The following ADGRF5 variants were observed in gnomAD, a reference collection of about 807,000 sequenced individuals.
ADGRF5 encodes the protein G-protein coupled receptor 116.
ADGRF5 carries 75 observed loss-of-function variants against 132.3 expected under a neutral mutation model. The observed-to-expected ratio is 0.57, with a 90% confidence interval of 0.47 to 0.69. The LOEUF (loss-of-function observed/expected upper bound fraction) is 0.69, where lower values mean the gene tolerates loss of function less well. ADGRF5 is among the 30% of genes least tolerant of loss of function. The pLI is 0.00. For missense variants in ADGRF5, 1,516 were observed against 1,630.6 expected, an observed-to-expected ratio of 0.93 and a Z score of 1.21; for synonymous variants, 629 against 597.6, an observed-to-expected ratio of 1.05 and a Z score of -0.77.
At chr6:46,909,870 T>G (rs1193979232) in intron 1 of ADGRF5, among the ~76,000 whole-genome samples, 1 of 151,812 alleles carries the variant, frequency 6.6e-6, no homozygotes, top group East Asian at 1.9e-4. Flanking sequence ...TGCACTGGCA[T>G]GCACCCATAA....
intron 1 of ADGRF5, among the ~76,000 whole-genome samples, chr6:46,917,537 G>A (rs772052760): frequency 4.6e-5 from 7 of 152,164 alleles, no homozygotes; most frequent in Non-Finnish European, 8.8e-5. Context: ...TTTATTTGAG[G>A]CATAGGATTA....
intron 1 of ADGRF5, among the ~76,000 whole-genome samples, chr6:46,936,300 C>T (rs969571939): frequency 1.3e-5 from 2 of 152,176 alleles, no homozygotes; most frequent in Non-Finnish European, 2.9e-5. Flanking sequence ...CCTGTAGATT[C>T]TAGAGCATTA....
At chr6:46,881,057 A>G (rs1398226102) in intron 8 of ADGRF5, among the ~76,000 whole-genome samples, 1 of 152,178 alleles carries the variant, frequency 6.6e-6, no homozygotes, top group Non-Finnish European at 1.5e-5. Context: ...CCATGATTAC[A>G]CTATTGCACT....
Position 46,858,465 on chromosome 6 carries a change from C to A in ADGRF5, c.3438G>T (p.Thr1146=), listed in dbSNP as rs763247474. The change falls in exon 17 of 21, where the codon ACG becomes ACT. Residue 1146 remains threonine (T), a synonymous_variant. Transcript: ENST00000283296. The part of the protein sequence containing the change: ...YGCPLAISVI[T]LGATQPREVY... ...CTTCCCGGGGCTGGGTGGCTCCCAG[C>A]GTGATGACCGAGATGGCAAGTGGGC... 10 of 1,613,738 alleles carry A rather than the reference C, an allele frequency of 6.2e-6. No individual in the cohort carries two copies. The highest frequency in any genetic ancestry group is 5.0e-5 in the Admixed American group (3 of 59,984).
chr6:46,862,843 T>A, intron 15 of ADGRF5, 45 bp downstream of exon 15: 3 of 1,269,650 alleles, frequency 2.4e-6, no homozygotes, highest in Non-Finnish European at 3.4e-6. Flanking sequence ...ATCAGCCAGA[T>A]AGATCGCCCC....
chr6:46,906,953 C>T (rs972225441), intron 1 of ADGRF5, among the ~76,000 whole-genome samples, 167 bp from the exon 2 acceptor site: 1 of 152,148 alleles, frequency 6.6e-6, no homozygotes, highest in African/African-American at 2.4e-5. Context: ...TCTGCCCAGA[C>T]CTTTGGGTGA....
At chr6:46,863,574 G>A (rs1308886390) in intron 14 of ADGRF5, among the ~76,000 whole-genome samples, 1 of 152,170 alleles carries the variant, frequency 6.6e-6, no homozygotes, top group African/African-American at 2.4e-5. Context: ...TAATCAATAT[G>A]TTTAAGCATT....
At chr6:46,882,312 G>A (rs1772564588) in intron 6 of ADGRF5, among the ~76,000 whole-genome samples, 1 of 152,088 alleles carries the variant, frequency 6.6e-6, no homozygotes, top group Non-Finnish European at 1.5e-5. Context: ...TAGACTAGAT[G>A]AAATGTGCAA....
intron 1 of ADGRF5, among the ~76,000 whole-genome samples, chr6:46,920,692 A>T (rs535305742): frequency 6.6e-6 from 1 of 151,920 alleles, no homozygotes; most frequent in Non-Finnish European, 1.5e-5. Context: ...GTGAAACCCC[A>T]TCTCTACTAA....
chr6:46,881,823 C>G (rs1039673344), intron 7 of ADGRF5, among the ~76,000 whole-genome samples: 1 of 152,138 alleles, frequency 6.6e-6, no homozygotes, highest in Non-Finnish European at 1.5e-5. Flanking sequence ...TATCCCTTAT[C>G]TTTGCTTGCA....
At position 46,858,795 on chromosome 6, in the gene ADGRF5, C is replaced by T; in HGVS notation, c.3108G>A (p.Val1036=). ...SLAACLVVEA[V]VWKSVTKNRT... is the part of the protein sequence containing the mutation. ...GGTTCTTGGTCACCGATTTCCACAC[C>T]ACAGCTTCCACAACTAGACAGGCTG... Residue 1036 remains valine (V), a synonymous_variant, in exon 17 of 21, where the codon GTG becomes GTA. Coordinates refer to ENST00000283296, the MANE Select transcript of ADGRF5 (RefSeq NM_001098518.2). The T allele has an allele frequency of 6.2e-7, 1 of 1,614,050 alleles. No homozygotes were observed. The highest frequency in any genetic ancestry group is 8.5e-7 in the Non-Finnish European group (1 of 1,179,980).
At chr6:46,945,419 T>C (rs1778265280) in intron 1 of ADGRF5, among the ~76,000 whole-genome samples, 1 of 152,182 alleles carries the variant, frequency 6.6e-6, no homozygotes. Context: ...AAGTGACACT[T>C]TTGCGTTCCT....
Position 46,906,736 on chromosome 6 carries a change from C to A in ADGRF5, c.27G>T (p.Leu9Phe), listed in dbSNP as rs1441991462. 1.2e-6 allele frequency: 2 copies of A among 1,604,904 alleles called. No individual in the cohort carries two copies. Among genetic ancestry groups the A allele is most frequent in the South Asian group, 1.1e-5 (1 of 90,850 alleles). ...AATAAATCACAATAAACATGAGGCA[C>A]AAAGTGGTTCTCCTTGGGGATTTCA... MKSPRRTT[L>F]CLMFIVIYSS... The change falls in exon 2 of 21, where the codon TTG becomes TTT. Residue 9 changes from leucine to phenylalanine, a missense_variant. Leu to Phe is a conservative substitution (Grantham distance 22). Coordinates refer to ENST00000283296, the MANE Select transcript of ADGRF5 (RefSeq NM_001098518.2).
At position 46,862,703 on chromosome 6, in the gene ADGRF5, C is replaced by CTTTTTTTTTTTTTTTTTT. The variant is rs67565937; in HGVS notation, c.2199+167_2199+184dup. ...AGTTGTCTTAGTATTTGAATTGAGG[C>CTTTTTTTTTTTTTTTTTT]TTTTTTTTTTTTTTTTTTTTTTTTT... On this transcript the variant is annotated intron_variant, in intron 15 of 20. Transcript: ENST00000283296. Among the ~76,000 whole-genome samples, 89 of 26,508 alleles carry CTTTTTTTTTTTTTTTTTT rather than the reference C, an allele frequency of 3.4e-3. 18 individuals carry two copies. The highest frequency in any genetic ancestry group is 6.1e-3 in the Admixed American group (7 of 1,156). 17.4% of individuals were successfully genotyped at this position (26,508 alleles called of 152,430 possible).
intron 12 of ADGRF5, among the ~76,000 whole-genome samples, chr6:46,868,021 C>A (rs1025648930): frequency 4.6e-5 from 7 of 152,204 alleles, no homozygotes; most frequent in Admixed American, 4.6e-4. Flanking sequence ...TGACTGTATA[C>A]TACCAAGTCC....
At chr6:46,936,745 C>T (rs1040679633) in intron 1 of ADGRF5, among the ~76,000 whole-genome samples, 8 of 152,250 alleles carry the variant, frequency 5.3e-5, no homozygotes, top group African/African-American at 1.7e-4. Context: ...GGAGGCTAGC[C>T]CCGCACTCTA....
intron 1 of ADGRF5, among the ~76,000 whole-genome samples, chr6:46,940,835 A>T (rs916424981): frequency 1.3e-5 from 2 of 152,226 alleles, no homozygotes; most frequent in Admixed American, 1.3e-4. Context: ...AAATTACAGA[A>T]ATAACTAAAA....
chr6:46,858,766 G>C lies in ADGRF5; in HGVS notation c.3137C>G (p.Thr1046Ser), dbSNP rs746080715. The C allele has an allele frequency of 6.2e-7, 1 of 1,613,552 alleles. No homozygotes were observed. Among genetic ancestry groups the C allele is most frequent in the Non-Finnish European group, 8.5e-7 (1 of 1,179,878 alleles). Reference sequence around the variant, plus strand: ...TATGCAGGTGTGGCGCATATAAGAAGTCCGGTTCTTGGTCACCGATTTCCA... The same window carrying C: ...TATGCAGGTGTGGCGCATATAAGAACTCCGGTTCTTGGTCACCGATTTCCA... ...VVWKSVTKNRTSYMRHTCIVN... is the reference protein window; with the variant it reads ...VVWKSVTKNRSSYMRHTCIVN... Residue 1046 changes from threonine to serine, a missense_variant, in exon 17 of 21, where the codon ACT becomes AGT. This residue lies in a region of ADGRF5 where 571 missense variants were observed against 701.2 expected (regional missense o/e 0.81). Coordinates refer to ENST00000283296, the MANE Select transcript of ADGRF5 (RefSeq NM_001098518.2).
Position 46,921,062 on chromosome 6 carries a change from G to T in ADGRF5, c.-25+651C>A, listed in dbSNP as rs186951027. 4.6e-5 allele frequency among the ~76,000 whole-genome samples: 7 copies of T among 152,260 alleles called. No homozygotes were observed. The East Asian group carries it at 1.4e-3, about 29-fold the overall frequency. ...TGAGAAAACATGGTTTAAGCAAACC[G>T]CACATCATAGAGTTGCTCCTTTCAA... On this transcript the variant is annotated intron_variant, in intron 1 of 20. Coordinates refer to ENST00000283296, the MANE Select transcript of ADGRF5 (RefSeq NM_001098518.2).
Sources: gnomAD v4.1 joint callset for allele counts (sites outside exome capture counted in the v4.1 genomes callset) on GRCh38, gnomAD v4.1.1 for gene constraint, gnomAD v4.1.1 regional missense constraint, MANE v1.5 for transcripts, NCBI Gene and HGNC (gene_info 2026-07-23, HGNC 2026-07-21) for gene names.